The following MIPEP variants were observed in gnomAD, a reference collection of about 807,000 sequenced individuals.
MIPEP encodes the protein mitochondrial intermediate peptidase.
A neutral mutation model predicts 90.3 loss-of-function variants in MIPEP; 79 were observed. The observed-to-expected ratio is 0.87, with a 90% CI of 0.73 to 1.05. The LOEUF is 1.05. Ranked by LOEUF, MIPEP falls within the 50% of genes least tolerant of loss-of-function variation. MIPEP has a pLI of 0.00. For missense variants in MIPEP, 940 were observed against 905.6 expected (o/e 1.04, Z -0.49); for synonymous variants, 334 against 315.8 (o/e 1.06, Z -0.61).
At chr13:23,782,040 G>A (rs956649057) in intron 16 of MIPEP, among the ~76,000 whole-genome samples, 3 of 152,160 alleles carry the variant, frequency 2.0e-5, no homozygotes, top group African/African-American at 7.2e-5. Flanking sequence ...ACATTAGACA[G>A]ATCAACAAGA....
chr13:23,853,802 G>A (rs1013535231), intron 10 of MIPEP, among the ~76,000 whole-genome samples: 6 of 151,560 alleles, frequency 4.0e-5, no homozygotes, highest in Admixed American at 6.6e-5. Flanking sequence ...TCCTGACCTC[G>A]TGATCCACCC....
intron 14 of MIPEP, among the ~76,000 whole-genome samples, chr13:23,822,515 GACTTAA>G (rs1566006325): frequency 1.3e-5 from 2 of 152,160 alleles, no homozygotes; most frequent in African/African-American, 2.4e-5. Context: ...TGCATTCAAT[GACTTAA>G]ACTTAGATTT....
chr13:23,766,387 G>A (rs1374509802), intron 16 of MIPEP, among the ~76,000 whole-genome samples: 1 of 152,148 alleles, frequency 6.6e-6, no homozygotes, highest in Non-Finnish European at 1.5e-5. Flanking sequence ...GTTGTAATCA[G>A]GATAACAAGG....
rs565480490 is a variant in MIPEP at position 23,777,116 on chromosome 13, T to C, written c.1849-16899A>G. Among the ~76,000 whole-genome samples the C allele has an allele frequency of 5.3e-5, 8 of 152,292 alleles. No homozygotes were observed. The South Asian group carries it at 1.7e-3, about 32-fold the overall frequency. On this transcript the variant is annotated intron_variant, in intron 16 of 18. Coordinates refer to ENST00000382172, the MANE Select transcript of MIPEP (RefSeq NM_005932.4). ...TAAAGGCAGGTGAAAATGCTTAAGATGGGTGATCTCGTGGCTTATTCTGAC... is the reference window on the plus strand; with the variant it reads ...TAAAGGCAGGTGAAAATGCTTAAGACGGGTGATCTCGTGGCTTATTCTGAC...
At chr13:23,832,175 G>T (rs989471342) in intron 14 of MIPEP, among the ~76,000 whole-genome samples, 1 of 152,124 alleles carries the variant, frequency 6.6e-6, no homozygotes, top group Admixed American at 6.5e-5. Flanking sequence ...GATTATCATG[G>T]GAGTGGGACT....
intron 10 of MIPEP, among the ~76,000 whole-genome samples, chr13:23,846,015 A>G (rs1488435814): frequency 6.6e-6 from 1 of 151,858 alleles, no homozygotes; most frequent in East Asian, 1.9e-4. Context: ...GCTGGGTTCA[A>G]GCGATTCTCC....
intron 16 of MIPEP, among the ~76,000 whole-genome samples, chr13:23,795,822 T>G (rs1266893886): frequency 8.7e-6 from 1 of 114,924 alleles, no homozygotes; most frequent in Admixed American, 1.1e-4. Context: ...AAACCTCATC[T>G]CTACCAAAAA....
At chr13:23,804,611 C>G (rs1401289920) in intron 16 of MIPEP, among the ~76,000 whole-genome samples, 2 of 152,058 alleles carry the variant, frequency 1.3e-5, no homozygotes, top group Non-Finnish European at 2.9e-5. Context: ...CATTATATAC[C>G]TGTAGCAGAT....
In MIPEP at chr13:23,754,995, T is replaced by C. The variant is rs1952476817; in HGVS notation, c.2044+1550A>G. 3.3e-5 allele frequency among the ~76,000 whole-genome samples: 5 copies of C among 152,224 alleles called. No homozygotes were observed. The South Asian group carries it at 1.0e-3, about 32-fold the overall frequency. The stretch of plus-strand genomic sequence containing the variant: ...TCCCTGGCTCTTCCACATACTGCCT[T>C]GTTACATAAGCAGAGGGCCTAACCT... On this transcript the variant is annotated intron_variant, in intron 18 of 18. Transcript: ENST00000382172.
chr13:23,886,468 T>C lies in MIPEP; in HGVS notation c.228A>G (p.Gly76=). Residue 76 remains glycine, a synonymous_variant, in exon 2 of 19, where the codon GGA becomes GGG. Transcript: ENST00000382172. ...AGGCTTTTTCTTGTGCAATATGAAA[T>C]CCTTCTGGGGCACTCAGCTCAGGAA... ...FGVPELSAPE[G]FHIAQEKALR... The C allele has an allele frequency of 6.2e-7, 1 of 1,602,558 alleles. No homozygotes were observed. The highest frequency in any genetic ancestry group is 8.5e-7 in the Non-Finnish European group (1 of 1,173,920).
intron 7 of MIPEP, among the ~76,000 whole-genome samples, chr13:23,867,448 A>G (rs1052823480): frequency 6.6e-6 from 1 of 151,976 alleles, no homozygotes; most frequent in East Asian, 1.9e-4. Flanking sequence ...TAAAACTCCA[A>G]CACCAGCCTA....
At chr13:23,744,267 C>T (rs1275829555) in intron 18 of MIPEP, among the ~76,000 whole-genome samples, 1 of 152,212 alleles carries the variant, frequency 6.6e-6, no homozygotes, top group Admixed American at 6.5e-5. Flanking sequence ...TGCCACTTTT[C>T]AGATTTGTCC....
At chr13:23,879,053 A>G (rs570993439) in intron 4 of MIPEP, among the ~76,000 whole-genome samples, 69 of 152,326 alleles carry the variant, frequency 4.5e-4, no homozygotes, top group African/African-American at 1.6e-3. Flanking sequence ...AAGAAAAATA[A>G]ATCAGGATCA....
rs912252225 is a variant in MIPEP, at chr13:23,808,095, G to GT, written c.1728+1754dup. Among the ~76,000 whole-genome samples, 774 of 146,308 alleles carry GT rather than the reference G, an allele frequency of 5.3e-3. 8 individuals carry two copies. Among genetic ancestry groups the GT allele is most frequent in the African/African-American group, 0.017 (680 of 39,898 alleles). Reference sequence around the variant, plus strand: ...AAAAATGTACAGTTTTAAAAACAGTGTTTTTTTTTTGTTTTTTTTTTGAGA... The same window carrying GT: ...AAAAATGTACAGTTTTAAAAACAGTGTTTTTTTTTTTGTTTTTTTTTTGAGA... On this transcript the variant is annotated intron_variant, in intron 15 of 18. Coordinates refer to ENST00000382172, the MANE Select transcript of MIPEP (RefSeq NM_005932.4).
At position 23,831,386 on chromosome 13, in the gene MIPEP, G is replaced by GGGCGGGGC. The variant is rs1555237533; in HGVS notation, c.1653+4853_1653+4854insGCCCCGCC. Among the ~76,000 whole-genome samples the GGGCGGGGC allele has an allele frequency of 5.8e-5, 4 of 69,460 alleles. No homozygotes were observed. In the East Asian group the frequency reaches 1.8e-3, roughly 31 times the overall value. The allele number at this position is 69,460 out of a possible 152,430, so 45.6% of individuals were successfully genotyped here. On this transcript the variant is annotated intron_variant, in intron 14 of 18. Transcript: ENST00000382172. ...GGACAGCCTAGCTTCCCCATGGCGG[G>GGGCGGGGC]GGGGGGATGTGGATGGGAATTGCCT...
chr13:23,869,377 G>A lies in MIPEP; in HGVS notation c.858C>T (p.Leu286=), dbSNP rs1870682295. Residue 286 remains leucine, a synonymous_variant, in exon 7 of 19, where the codon CTC becomes CTT. Coordinates refer to ENST00000382172, the MANE Select transcript of MIPEP (RefSeq NM_005932.4). The part of the protein sequence containing the change: ...AGQLKCLEEL[L]SSRDLLAKLV... Reference sequence around the variant, plus strand: ...ACTTTGCCAGAAGATCTCTGCTGCTGAGCAATTCTTCTAAACATTTCAATT... The same window carrying A: ...ACTTTGCCAGAAGATCTCTGCTGCTAAGCAATTCTTCTAAACATTTCAATT... The A allele has an allele frequency of 6.2e-7, 1 of 1,613,520 alleles. No homozygotes were observed. The highest frequency in any genetic ancestry group is 1.7e-5 in the Admixed American group (1 of 59,810).
chr13:23,755,055 A>G lies in MIPEP; in HGVS notation c.2044+1490T>C, dbSNP rs143600269. Among the ~76,000 whole-genome samples, 16 of 152,276 alleles carry G rather than the reference A, an allele frequency of 1.1e-4. No homozygotes were observed. The East Asian group carries it at 3.1e-3, about 29-fold the overall frequency. On this transcript the variant is annotated intron_variant, in intron 18 of 18. Coordinates refer to ENST00000382172, the MANE Select transcript of MIPEP (RefSeq NM_005932.4). Reference sequence around the variant, plus strand: ...CTATAAAACGGGGATCATAACTCCTACCTCATAGGGTTACTAAGAAGAGTC... The same window carrying G: ...CTATAAAACGGGGATCATAACTCCTGCCTCATAGGGTTACTAAGAAGAGTC...
chr13:23,858,079 G>A (rs1014854565), intron 10 of MIPEP, among the ~76,000 whole-genome samples: 1 of 151,866 alleles, frequency 6.6e-6, no homozygotes, highest in Non-Finnish European at 1.5e-5. Flanking sequence ...AACTACAAGG[G>A]AAAAATGTTA....
chr13:23,825,128 C>A (rs904426334), intron 14 of MIPEP, among the ~76,000 whole-genome samples: 2 of 152,176 alleles, frequency 1.3e-5, no homozygotes, highest in African/African-American at 4.8e-5. Flanking sequence ...AAGTCTCAGA[C>A]AAGTTCAATG....
Sources: gnomAD v4.1 joint callset for allele counts (sites outside exome capture counted in the v4.1 genomes callset) on GRCh38, gnomAD v4.1.1 for gene constraint, MANE v1.5 for transcripts, NCBI Gene and HGNC (gene_info 2026-07-23, HGNC 2026-07-21) for gene names.